The following ADAM32 variants were observed in gnomAD, a reference collection of about 807,000 sequenced individuals.
ADAM32 encodes disintegrin and metalloproteinase domain-containing protein 32.
ADAM32 carries 89 observed loss-of-function variants against 114.9 expected under a neutral mutation model. That is an observed-to-expected ratio of 0.77 (90% CI 0.65 to 0.92). The LOEUF is 0.92. Ranked by LOEUF, ADAM32 falls within the 40% of genes least tolerant of loss-of-function variation. ADAM32 has a pLI of 0.00. For synonymous variants in ADAM32, 285 were observed against 307.5 expected, an observed-to-expected ratio of 0.93 and a Z score of 0.77; for missense variants, 870 against 932.8, an observed-to-expected ratio of 0.93 and a Z score of 0.88.
intron 19 of ADAM32, among the ~76,000 whole-genome samples, chr8:39,263,125 A>G (rs1412120119): frequency 1.3e-5 from 2 of 152,222 alleles, no homozygotes; most frequent in African/African-American, 2.4e-5. Context: ...TGGAGGAAGT[A>G]CATTACAGTG....
rs1237866711 is a variant in ADAM32, at chr8:39,257,215, G to T, written c.2034G>T (p.Lys678Asn). ...CAATCATGGAAAGAGCATCTGGGAA[G>T]ACTGAAAACACCTGGCTTCTAGGTT... ...MGSIMERASG[K>N]TENTWLLGFL... The change falls in exon 19 of 25, where the codon AAG (lysine) becomes AAT (asparagine). Residue 678 changes from lysine (K) to asparagine (N), a missense_variant. By Grantham distance (94) the Lys-to-Asn change is moderately conservative. Transcript: ENST00000379907. 1.2e-6 allele frequency: 2 copies of T among 1,606,118 alleles called. No individual in the cohort carries two copies. The highest frequency in any genetic ancestry group is 1.1e-5 in the South Asian group (1 of 90,026).
chr8:39,130,956 CTTT>C (rs71218310), intron 2 of ADAM32: 2,000 of 325,916 alleles, frequency 6.1e-3, no homozygotes, highest in East Asian at 0.01. Context: ...AGGAGGATGT[CTTT>C]TTTTTTTTTT....
chr8:39,230,404 C>T (rs1315632570), intron 14 of ADAM32, among the ~76,000 whole-genome samples: 6 of 152,170 alleles, frequency 3.9e-5, no homozygotes, highest in Non-Finnish European at 7.4e-5. Flanking sequence ...AGATGCCACA[C>T]GTAGACTAAT....
At chr8:39,273,918 C>CT (rs1812910897) in intron 20 of ADAM32, among the ~76,000 whole-genome samples, 1 of 151,896 alleles carries the variant, frequency 6.6e-6, no homozygotes, top group Non-Finnish European at 1.5e-5. Flanking sequence ...AAAATACTGT[C>CT]TTTTTTTAAA....
At chr8:39,220,682 C>G (rs1165748435) in intron 12 of ADAM32, among the ~76,000 whole-genome samples, 3 of 151,854 alleles carry the variant, frequency 2.0e-5, no homozygotes, top group Non-Finnish European at 4.4e-5. Context: ...ATTGATCATT[C>G]AGGAGCATGT....
chr8:39,136,897 T>C (rs1802839182), intron 3 of ADAM32, among the ~76,000 whole-genome samples, 179 bp downstream of exon 3: 1 of 152,240 alleles, frequency 6.6e-6, no homozygotes, highest in South Asian at 2.1e-4. Context: ...AAGTATTCTT[T>C]GGTAAATGGG....
intron 11 of ADAM32, among the ~76,000 whole-genome samples, chr8:39,193,645 C>T (rs959601077): frequency 2.0e-5 from 3 of 152,076 alleles, no homozygotes; most frequent in Admixed American, 6.6e-5. Flanking sequence ...TCCTTCAATC[C>T]GTGATGTGGT....
intron 1 of ADAM32, among the ~76,000 whole-genome samples, chr8:39,116,411 T>C (rs997274243): frequency 3.3e-5 from 5 of 152,344 alleles, no homozygotes; most frequent in Middle Eastern, 3.4e-3. Flanking sequence ...TCTGATTTCT[T>C]TGAGCAGTGT....
chr8:39,204,555 G>C (rs993224555), intron 11 of ADAM32, among the ~76,000 whole-genome samples: 2 of 152,118 alleles, frequency 1.3e-5, no homozygotes, highest in Non-Finnish European at 2.9e-5. Flanking sequence ...AAGCTTTTTA[G>C]CTTCTTTGTG....
chr8:39,280,860 G>A (rs1813373509), intron 22 of ADAM32, among the ~76,000 whole-genome samples: 1 of 151,876 alleles, frequency 6.6e-6, no homozygotes, highest in Non-Finnish European at 1.5e-5. Flanking sequence ...TTGGCTCACT[G>A]CAAGCTCTGC....
At chr8:39,163,908 A>G (rs1272105354) in intron 7 of ADAM32, among the ~76,000 whole-genome samples, 2 of 152,120 alleles carry the variant, frequency 1.3e-5, no homozygotes, top group African/African-American at 4.8e-5. Context: ...TACTATAGAG[A>G]GTTTGTCTAT....
chr8:39,141,356 T>C (rs1345137025), intron 3 of ADAM32, among the ~76,000 whole-genome samples: 1 of 152,234 alleles, frequency 6.6e-6, no homozygotes, highest in Non-Finnish European at 1.5e-5. Context: ...TACACATTGC[T>C]TTAAATGTGT....
intron 2 of ADAM32, among the ~76,000 whole-genome samples, chr8:39,130,593 T>G (rs1287545123): frequency 1.1e-4 from 17 of 152,176 alleles, no homozygotes; most frequent in Non-Finnish European, 2.1e-4. Flanking sequence ...TGCTATGGTG[T>G]GTTTTTGTTT....
rs540504928 is a variant in ADAM32, at chr8:39,133,158, G to C, written c.139-3499G>C. ...TCATGGGAGGTGTTTGGGTCATGAT[G>C]TCCCTCATGAATGGCTTGGTGCCAT... On this transcript the variant is annotated intron_variant, in intron 2 of 24. Coordinates refer to ENST00000379907, the MANE Select transcript of ADAM32 (RefSeq NM_145004.7). Among the ~76,000 whole-genome samples, 5 of 152,242 alleles carry C rather than the reference G, an allele frequency of 3.3e-5. No individual in the cohort carries two copies. In the East Asian group the frequency reaches 7.7e-4, roughly 24 times the overall value.
At chr8:39,273,068 T>G (rs770109420) in intron 20 of ADAM32, among the ~76,000 whole-genome samples, 2 of 152,186 alleles carry the variant, frequency 1.3e-5, no homozygotes, top group Non-Finnish European at 2.9e-5. Context: ...GTCTTCAGAA[T>G]CAATGACATA....
At chr8:39,282,296 T>G (rs1312407952) in intron 23 of ADAM32, among the ~76,000 whole-genome samples, 1 of 152,242 alleles carries the variant, frequency 6.6e-6, no homozygotes, top group Non-Finnish European at 1.5e-5. Flanking sequence ...CAATAAATAC[T>G]TGCTTAACGA....
intron 1 of ADAM32, among the ~76,000 whole-genome samples, chr8:39,109,956 A>T (rs750240467): frequency 6.6e-6 from 1 of 152,080 alleles, no homozygotes; most frequent in Non-Finnish European, 1.5e-5. Context: ...TGCCTTTTCC[A>T]GAGTGTCATG....
At chr8:39,112,976 T>C (rs1840227092) in intron 1 of ADAM32, among the ~76,000 whole-genome samples, 1 of 152,238 alleles carries the variant, frequency 6.6e-6, no homozygotes, top group Admixed American at 6.5e-5. Context: ...ATTCCTCCCA[T>C]TGAGAGGTAG....
At chr8:39,159,580 C>T (rs1278059220) in intron 6 of ADAM32, among the ~76,000 whole-genome samples, 1 of 152,214 alleles carries the variant, frequency 6.6e-6, no homozygotes. Context: ...CCTCTTTCTT[C>T]CTAGACTTTT....
Sources: allele counts gnomAD v4.1 joint callset (sites outside exome capture counted in the v4.1 genomes callset), GRCh38; gene constraint gnomAD v4.1.1; transcripts MANE v1.5; gene names NCBI Gene and HGNC (gene_info 2026-07-23, HGNC 2026-07-21).